The following FBLN2 variants were observed in gnomAD, a reference collection of about 807,000 sequenced individuals.
The protein encoded by FBLN2 is fibulin-2.
In FBLN2, 81 loss-of-function variants were observed where a neutral mutation model predicts 123.7. The ratio of observed to expected loss-of-function variants is 0.65; its 90% CI spans 0.55 to 0.79. The LOEUF (loss-of-function observed/expected upper bound fraction) is 0.79. FBLN2 is among the 30% of genes least tolerant of loss of function. The pLI is 0.00. For missense variants in FBLN2, 1,603 were observed against 1,681.3 expected (o/e 0.95, Z 0.81); for synonymous variants, 699 against 701.4 (o/e 1.00, Z 0.05).
At position 13,549,204 on chromosome 3, in the gene FBLN2, C is replaced by T. The variant is rs1349814377; in HGVS notation, c.-46C>T. On this transcript the variant is annotated 5_prime_UTR_variant, in exon 1 of 18. Transcript: ENST00000404922. ...ACGGACGGACGCCGAGCGCAGTGCC[C>T]CGCGGTGAGTGCACGCGGCCCCTCC... The T allele has an allele frequency of 1.0e-6, 1 of 983,524 alleles. No homozygotes were observed. The highest frequency in any genetic ancestry group is 1.2e-6 in the Non-Finnish European group (1 of 829,304). 60.9% of individuals were successfully genotyped at this position (983,524 alleles called of 1,614,324 possible). A position where few individuals can be genotyped will look rare whatever the true frequency, so the allele number is the denominator to read the frequency against.
intron 2 of FBLN2, among the ~76,000 whole-genome samples, chr3:13,574,434 G>C (rs1006747163): frequency 1.3e-5 from 2 of 152,212 alleles, no homozygotes; most frequent in Non-Finnish European, 2.9e-5. Flanking sequence ...AGCCCCTTGA[G>C]TGACAACAGA....
chr3:13,608,861 T>C (rs889118978), intron 3 of FBLN2, among the ~76,000 whole-genome samples: 3 of 152,010 alleles, frequency 2.0e-5, no homozygotes, highest in Non-Finnish European at 2.9e-5. Flanking sequence ...TGTTTCCCAA[T>C]GTCCAGACCA....
At chr3:13,609,688 G>GGGGGGGGGGGGGCCCC in intron 4 of FBLN2, 46 bp downstream of exon 4, 1 of 512,594 alleles carries the variant, frequency 2.0e-6, no homozygotes, top group Non-Finnish European at 3.6e-6. Context: ...GTGGGGCGGG[G>GGGGGGGGGGGGGCCCC]CGGGAGGCTG....
In FBLN2 at chr3:13,608,047, T is replaced by C; in HGVS notation, c.1307-15T>C. 1.3e-6 allele frequency: 2 copies of C among 1,559,100 alleles called. No homozygotes were observed. The highest frequency in any genetic ancestry group is 1.7e-6 in the Non-Finnish European group (2 of 1,150,370). On this transcript the variant is annotated splice_polypyrimidine_tract_variant and intron_variant, in intron 2 of 17. Transcript: ENST00000404922. ...ACTTATGAATGGTGACTCTGCCTCA[T>C]GTTGCTATCCACAGGCTCCACCAAG...
chr3:13,595,671 G>C (rs1185036535), intron 2 of FBLN2, among the ~76,000 whole-genome samples: 1 of 152,160 alleles, frequency 6.6e-6, no homozygotes, highest in Non-Finnish European at 1.5e-5. Context: ...CCTCCTGCCA[G>C]GTGTGGAAAC....
chr3:13,620,864 C>T (rs191832640), intron 8 of FBLN2, among the ~76,000 whole-genome samples: 29 of 152,362 alleles, frequency 1.9e-4, no homozygotes, highest in Admixed American at 1.3e-3. Context: ...CACCGTCCTA[C>T]GAGCCCAGAG....
chr3:13,619,259 A>T (rs1285393386), intron 7 of FBLN2, among the ~76,000 whole-genome samples: 1 of 152,104 alleles, frequency 6.6e-6, no homozygotes, highest in East Asian at 1.9e-4. Context: ...CCAGCCAGTT[A>T]GCTGCTTTTT....
At chr3:13,626,855 G>A (rs1019491290) in intron 10 of FBLN2, among the ~76,000 whole-genome samples, 2 of 152,190 alleles carry the variant, frequency 1.3e-5, no homozygotes, top group Non-Finnish European at 2.9e-5. Flanking sequence ...GTGTCTGGGT[G>A]CCAGTTATCC....
Position 13,630,086 on chromosome 3 carries a change from C to T in FBLN2, c.2968+141C>T, listed in dbSNP as rs60613355. On this transcript the variant is annotated intron_variant, in intron 14 of 17. Transcript: ENST00000404922. ...CTTCACCCATGCTGGCCCTTCCTTC[C>T]TCCTCTGTCTGGCCCAACCCTCTCT... 7,668 of 1,262,462 alleles carry T rather than the reference C, an allele frequency of 6.1e-3. 359 individuals are homozygous for T. The African/African-American group carries it at 0.1, about 17-fold the overall frequency. 78.2% of individuals were successfully genotyped at this position (1,262,462 alleles called of 1,614,324 possible). A position where few individuals can be genotyped will look rare whatever the true frequency, so the allele number is the denominator to read the frequency against.
At position 13,571,571 on chromosome 3, in the gene FBLN2, C is replaced by G; in HGVS notation, c.1216C>G (p.Pro406Ala). 6.2e-7 allele frequency: 1 copy of G among 1,613,502 alleles called. No homozygotes were observed. The highest frequency in any genetic ancestry group is 8.5e-7 in the Non-Finnish European group (1 of 1,179,788). ...CTGGATCCCACCCACCCGAGAAGTG[C>G]CCAGGAAGCCGCAAGTTCTGCCCCA... ...AAWIPPTREV[P>A]RKPQVLPHSH... Residue 406 changes from proline (P) to alanine (A), a missense_variant, in exon 2 of 18, where the codon CCC becomes GCC. Pro to Ala is a conservative substitution (Grantham distance 27, BLOSUM62 -1). Transcript: ENST00000404922.
chr3:13,621,738 A>C (rs1235459633), intron 8 of FBLN2, 37 bp from the exon 9 acceptor site: 1 of 1,611,752 alleles, frequency 6.2e-7, no homozygotes, highest in Non-Finnish European at 8.5e-7. Flanking sequence ...TGTCCCTCTA[A>C]CAGTCCTTCT....
At chr3:13,590,390 A>T (rs1477660310) in intron 2 of FBLN2, among the ~76,000 whole-genome samples, 1 of 151,942 alleles carries the variant, frequency 6.6e-6, no homozygotes, top group Non-Finnish European at 1.5e-5. Context: ...CAGAGGTGCC[A>T]TCTTGGCTCA....
chr3:13,581,343 G>A (rs72624450), intron 2 of FBLN2, among the ~76,000 whole-genome samples: 4,097 of 152,166 alleles, frequency 0.027, 264 homozygotes, highest in East Asian at 0.26. Flanking sequence ...ACAAACCAAT[G>A]CAAAGTCCTT....
intron 1 of FBLN2, among the ~76,000 whole-genome samples, chr3:13,562,569 A>G (rs184689703): frequency 5.9e-4 from 90 of 152,136 alleles, no homozygotes; most frequent in Admixed American, 1.4e-3. Flanking sequence ...GTTGGCCAGG[A>G]TGGCCTCTAT....
At chr3:13,551,384 G>A (rs1206968596) in intron 1 of FBLN2, among the ~76,000 whole-genome samples, 1 of 152,226 alleles carries the variant, frequency 6.6e-6, no homozygotes, top group Admixed American at 6.5e-5. Flanking sequence ...GCTCATGCCA[G>A]AGAGCATTCT....
intron 2 of FBLN2, among the ~76,000 whole-genome samples, chr3:13,598,543 C>G (rs1249561279): frequency 6.6e-6 from 1 of 152,234 alleles, no homozygotes; most frequent in Non-Finnish European, 1.5e-5. Flanking sequence ...GGCTGTGCCC[C>G]TGGGCTCCCT....
rs572747405 is a variant in FBLN2 at position 13,620,088 on chromosome 3, G to A, written c.2155+257G>A. 3.3e-5 allele frequency among the ~76,000 whole-genome samples: 5 copies of A among 152,270 alleles called. No homozygotes were observed. In the East Asian group the frequency reaches 7.7e-4, roughly 24 times the overall value. On this transcript the variant is annotated intron_variant, in intron 8 of 17. Coordinates refer to ENST00000404922, the MANE Select transcript of FBLN2 (RefSeq NM_001004019.2). Reference sequence around the variant, plus strand: ...GGGCCCGGGCTCCTCACATGGTGTCGCTCCGCATTTCCCGGAGCAGTGCTT... The same window carrying A: ...GGGCCCGGGCTCCTCACATGGTGTCACTCCGCATTTCCCGGAGCAGTGCTT...
At chr3:13,569,908 C>T (rs1237188409) in intron 1 of FBLN2, among the ~76,000 whole-genome samples, 14 of 151,986 alleles carry the variant, frequency 9.2e-5, no homozygotes, top group Admixed American at 8.5e-4. Context: ...TGTGTAACTG[C>T]ATAGAGGATT....
chr3:13,571,734 A>G (rs2124825596), intron 2 of FBLN2, 73 bp downstream of exon 2: 3 of 1,450,418 alleles, frequency 2.1e-6, no homozygotes, highest in South Asian at 2.9e-5. Flanking sequence ...CCGCTGCCCC[A>G]GGTCTCTGCC....
Sources: allele counts gnomAD v4.1 joint callset (sites outside exome capture counted in the v4.1 genomes callset), GRCh38; gene constraint gnomAD v4.1.1; transcripts MANE v1.5; gene names NCBI Gene and HGNC (gene_info 2026-07-23, HGNC 2026-07-21).